The following HEATR5B variants were observed in gnomAD, a reference collection of about 807,000 sequenced individuals.
The protein encoded by HEATR5B is HEAT repeat-containing protein 5B.
In HEATR5B, 156 loss-of-function variants were observed where a neutral mutation model predicts 224.1. That is an observed-to-expected ratio of 0.70 (90% CI 0.61 to 0.80). HEATR5B has a LOEUF of 0.80. Ranked by LOEUF, HEATR5B falls within the 30% of genes least tolerant of loss-of-function variation. The pLI is 0.00. For missense variants in HEATR5B, 2,323 were observed against 2,535.5 expected, an observed-to-expected ratio of 0.92 and a Z score of 1.80; for synonymous variants, 1,027 against 893.0, an observed-to-expected ratio of 1.15 and a Z score of -2.68.
Position 36,994,108 on chromosome 2 carries a change from C to A in HEATR5B, c.5546-3309G>T, listed in dbSNP as rs141822386. ...GTACGTAGGAATAGAGTCATGATGA[C>A]TTCATATCCTCAGATGGTTCAGCAA... On this transcript the variant is annotated intron_variant, in intron 33 of 35. Coordinates refer to ENST00000233099, the MANE Select transcript of HEATR5B (RefSeq NM_019024.3). 8.6e-3 allele frequency among the ~76,000 whole-genome samples: 1,311 copies of A among 152,242 alleles called. 12 individuals are homozygous for A. Among genetic ancestry groups the A allele is most frequent in the Admixed American group, 0.011 (169 of 15,278 alleles).
chr2:37,062,166 C>G (rs902705196), intron 10 of HEATR5B, 116 bp from the exon 11 acceptor site: 5 of 617,814 alleles, frequency 8.1e-6, no homozygotes, highest in Admixed American at 4.9e-5. Flanking sequence ...GTGGCTCATG[C>G]CTGTAATCCT....
chr2:37,077,000 C>T lies in HEATR5B; in HGVS notation c.358G>A (p.Gly120Arg), dbSNP rs770117925. ...CTCCCCATTTTTTCATAAAATGCTC[C>T]GACACAAGCCACCGCAGCCCTGTAA... The part of the protein sequence containing the change: ...PTKLAAVACV[G>R]AFYEKMGRML... The change falls in exon 4 of 36, where the codon GGA (glycine) becomes AGA (arginine). Residue 120 changes from glycine to arginine, a missense_variant. Coordinates refer to ENST00000233099, the MANE Select transcript of HEATR5B (RefSeq NM_019024.3). 16 of 1,613,764 alleles carry T rather than the reference C, an allele frequency of 9.9e-6. No homozygotes were observed. Among genetic ancestry groups the T allele is most frequent in the Non-Finnish European group, 1.0e-5 (12 of 1,179,854 alleles).
rs756190746 is a variant in HEATR5B, at chr2:37,008,855, T to C, written c.4285-7A>G. 73 of 1,515,884 alleles carry C rather than the reference T, an allele frequency of 4.8e-5. No individual in the cohort carries two copies. The highest frequency in any genetic ancestry group is 1.7e-4 in the Middle Eastern group (1 of 5,856). 93.9% of individuals were successfully genotyped at this position (1,515,884 alleles called of 1,614,324 possible). A position where few individuals can be genotyped will look rare whatever the true frequency, so the allele number is the denominator to read the frequency against. ...TCATAGCGACCACATATACCTAATA[T>C]GATATTTATGAGGACAAAATAGTAA... is the stretch of plus-strand genomic sequence containing the variant. On this transcript the variant is annotated splice_region_variant and splice_polypyrimidine_tract_variant and intron_variant, in intron 27 of 35. Coordinates refer to ENST00000233099, the MANE Select transcript of HEATR5B (RefSeq NM_019024.3).
intron 10 of HEATR5B, among the ~76,000 whole-genome samples, chr2:37,063,207 C>T (rs763409320): frequency 1.3e-5 from 2 of 152,156 alleles, no homozygotes; most frequent in African/African-American, 2.4e-5. Context: ...TGGGCTAGCA[C>T]TGTTCTCGGT....
chr2:37,067,355 A>T (rs1434578774), intron 8 of HEATR5B, among the ~76,000 whole-genome samples: 1 of 152,242 alleles, frequency 6.6e-6, no homozygotes, highest in Non-Finnish European at 1.5e-5. Flanking sequence ...TGTGCAAATT[A>T]TTCTTTAAGT....
intron 17 of HEATR5B, among the ~76,000 whole-genome samples, chr2:37,051,248 C>T (rs1191403220): frequency 6.9e-6 from 1 of 144,058 alleles, no homozygotes; most frequent in East Asian, 2.2e-4. Context: ...CTCAGCTACT[C>T]GGGAGGCTGA....
chr2:37,020,810 C>A lies in HEATR5B; in HGVS notation c.3880G>T (p.Asp1294Tyr). The stretch of plus-strand genomic sequence containing the variant: ...GCCATGAATGCCATGCGAATGAGGT[C>A]AGAGAGATGAAGTACCAAGAGGTCA... ...TNDLLVLHLS[D>Y]LIRMAFMAAT... The change falls in exon 25 of 36, where the codon GAC becomes TAC. Residue 1294 changes from aspartate to tyrosine, a missense_variant. This residue lies in a region of HEATR5B where 339 missense variants were observed against 378.4 expected (regional missense o/e 0.90). Coordinates refer to ENST00000233099, the MANE Select transcript of HEATR5B (RefSeq NM_019024.3). 1 of 1,569,670 alleles carries A rather than the reference C, an allele frequency of 6.4e-7. No individual in the cohort carries two copies.
rs1349502860 is a variant in HEATR5B, at chr2:37,059,440, GTGTGTGTA to G, written c.1850-461_1850-454del. ...TGTGTGTGTGTGTGTGTGTGTGTGT[GTGTGTGTA>G]TATATATATATATATATTTTTTTTT... On this transcript the variant is annotated intron_variant, in intron 12 of 35. Coordinates refer to ENST00000233099, the MANE Select transcript of HEATR5B (RefSeq NM_019024.3). Among the ~76,000 whole-genome samples the G allele has an allele frequency of 3.3e-3, 216 of 64,702 alleles. 4 individuals are homozygous for G. The highest frequency in any genetic ancestry group is 0.014 in the East Asian group (20 of 1,470). The allele number at this position is 64,702 out of a possible 152,430, so 42.4% of individuals were successfully genotyped here.
At chr2:37,009,420 C>T (rs550713255) in intron 27 of HEATR5B, among the ~76,000 whole-genome samples, 3 of 151,306 alleles carry the variant, frequency 2.0e-5, no homozygotes, top group Non-Finnish European at 4.4e-5. Context: ...CAAAAAATAA[C>T]AAAAATGCTA....
chr2:37,076,809 AAT>A, intron 4 of HEATR5B, 100 bp downstream of exon 4: 1 of 805,358 alleles, frequency 1.2e-6, no homozygotes, highest in Non-Finnish European at 2.0e-6. Context: ...CTTGCTAAGC[AAT>A]ATGAGACCAC....
intron 11 of HEATR5B, among the ~76,000 whole-genome samples, chr2:37,061,612 C>T (rs1459719638): frequency 6.6e-6 from 1 of 152,186 alleles, no homozygotes; most frequent in Non-Finnish European, 1.5e-5. Flanking sequence ...TACCACTCTT[C>T]TAAAATCACA....
intron 18 of HEATR5B, among the ~76,000 whole-genome samples, chr2:37,043,182 A>C (rs1405525469): frequency 6.6e-6 from 1 of 152,232 alleles, no homozygotes; most frequent in African/African-American, 2.4e-5. Flanking sequence ...TGGTAATTTT[A>C]AACAAGTGAG....
intron 21 of HEATR5B, among the ~76,000 whole-genome samples, chr2:37,034,701 G>C (rs946126157): frequency 6.7e-6 from 1 of 150,212 alleles, no homozygotes; most frequent in African/African-American, 2.4e-5. Flanking sequence ...CAACCTCTCG[G>C]GCTCAAGCGA....
rs761592527 is a variant in HEATR5B at position 37,007,254 on chromosome 2, G to C, written c.4573C>G (p.Arg1525Gly). Residue 1525 changes from arginine (R) to glycine (G), a missense_variant, in exon 29 of 36, where the codon CGG becomes GGG. By Grantham distance (125) the Arg-to-Gly change is moderately radical. Transcript: ENST00000233099. ...ETIDTARLHYRNSWAPILHAV... is the reference protein window; with the variant it reads ...ETIDTARLHYGNSWAPILHAV... ...TGGAGAATTGGGGCCCAGGAATTCCGATAGTGAAGTCTAGCTGTATCAATA... is the reference window on the plus strand; with the variant it reads ...TGGAGAATTGGGGCCCAGGAATTCCCATAGTGAAGTCTAGCTGTATCAATA... The C allele has an allele frequency of 6.2e-6, 10 of 1,613,370 alleles. No individual in the cohort carries two copies. Among genetic ancestry groups the C allele is most frequent in the Admixed American group, 1.7e-5 (1 of 59,932 alleles).
In HEATR5B at chr2:37,000,727, G is replaced by A; in HGVS notation, c.5404C>T (p.Pro1802Ser). 1 of 1,614,044 alleles carries A rather than the reference G, an allele frequency of 6.2e-7. No individual in the cohort carries two copies. The highest frequency in any genetic ancestry group is 8.5e-7 in the Non-Finnish European group (1 of 1,179,928). The stretch of plus-strand genomic sequence containing the variant: ...TGAAGAGCTGCACTGACTGGTGGAG[G>A]AACCTGATTATCTGCAGACTTTATT... Reference protein sequence around the residue: ...TAIKSADNQVPPPVSAALQGI... With the variant: ...TAIKSADNQVSPPVSAALQGI... Residue 1802 changes from proline to serine, a missense_variant, in exon 33 of 36, where the codon CCT (proline) becomes TCT (serine). By Grantham distance (74) the Pro-to-Ser change is moderately conservative. Transcript: ENST00000233099.
chr2:37,009,789 T>C (rs1306951954), intron 27 of HEATR5B, among the ~76,000 whole-genome samples: 1 of 151,588 alleles, frequency 6.6e-6, no homozygotes, highest in Non-Finnish European at 1.5e-5. Context: ...ACTTTTTTTT[T>C]TTTTTTTTTG....
intron 33 of HEATR5B, among the ~76,000 whole-genome samples, chr2:36,991,452 G>A (rs538310143): frequency 8.2e-5 from 12 of 145,908 alleles, no homozygotes; most frequent in Admixed American, 1.4e-4. Context: ...CCAAGATTGT[G>A]TCATTGCACT....
chr2:36,987,947 C>A (rs1666054870), intron 35 of HEATR5B, among the ~76,000 whole-genome samples: 2 of 151,892 alleles, frequency 1.3e-5, no homozygotes, highest in Non-Finnish European at 2.9e-5. Flanking sequence ...TGGCACATGC[C>A]TGTAGTCCCA....
chr2:36,993,624 T>C (rs1272038455), intron 33 of HEATR5B, among the ~76,000 whole-genome samples: 2 of 151,962 alleles, frequency 1.3e-5, no homozygotes, highest in African/African-American at 2.4e-5. Context: ...GGTTACCTAT[T>C]AATTATAAAA....
Sources: gnomAD v4.1 joint callset for allele counts (sites outside exome capture counted in the v4.1 genomes callset) on GRCh38, gnomAD v4.1.1 for gene constraint, gnomAD v4.1.1 regional missense constraint, MANE v1.5 for transcripts, NCBI Gene and HGNC (gene_info 2026-07-23, HGNC 2026-07-21) for gene names.